PDE8B: variants seen among roughly 807,000 people sequenced by gnomAD.
The protein encoded by PDE8B is phosphodiesterase 8B.
In PDE8B, 26 loss-of-function variants were observed where a neutral mutation model predicts 101.3. The ratio of observed to expected loss-of-function variants is 0.26; its 90% CI spans 0.19 to 0.36. The LOEUF (loss-of-function observed/expected upper bound fraction) is 0.36. Ranked by LOEUF, PDE8B falls within the 10% of genes least tolerant of loss-of-function variation. The pLI is 1.00. For synonymous variants in PDE8B, 424 were observed against 429.3 expected (o/e 0.99, Z 0.15); for missense variants, 810 against 1,163.1 (o/e 0.70, Z 4.42).
chr5:77,387,597 A>C lies in PDE8B; in HGVS notation c.1168-12651A>C, dbSNP rs985102837. Among the ~76,000 whole-genome samples, 5 of 152,228 alleles carry C rather than the reference A, an allele frequency of 3.3e-5. No homozygotes were observed. In the South Asian group the frequency reaches 6.2e-4, roughly 19 times the overall value. On this transcript the variant is annotated intron_variant, in intron 10 of 21. Coordinates refer to ENST00000264917, the MANE Select transcript of PDE8B (RefSeq NM_003719.5). ...GGAGTATCTTTGTGGTGTTCTCTGT[A>C]ATTCCTGAATTTGAATGTTGGCCTG...
chr5:77,418,803 C>T (rs184838894), intron 18 of PDE8B, among the ~76,000 whole-genome samples: 136 of 152,252 alleles, frequency 8.9e-4, no homozygotes, highest in African/African-American at 3.1e-3. Context: ...AATTTCCGGC[C>T]GCTTAAAATA....
upstream of PDE8B, among the ~76,000 whole-genome samples, chr5:77,209,935 C>G (rs1161734422): frequency 1.3e-5 from 2 of 152,210 alleles, no homozygotes; most frequent in Non-Finnish European, 2.9e-5. Context: ...GATGAGTAGA[C>G]ATGGAATGGG....
At chr5:77,110,988 A>G in the PDE8B span, among the ~76,000 whole-genome samples, 3 of 152,238 alleles carry the variant, frequency 2.0e-5, no homozygotes, top group South Asian at 4.1e-4. Flanking sequence ...TCAATCTTGA[A>G]TAGAAGAGGA....
intron 10 of PDE8B, among the ~76,000 whole-genome samples, chr5:77,378,232 G>T (rs530780540): frequency 6.6e-6 from 1 of 151,928 alleles, no homozygotes; most frequent in Non-Finnish European, 1.5e-5. Flanking sequence ...AGGCTGAGGC[G>T]GGTGGATCAT....
At chr5:77,110,422 AC>A in the PDE8B span, among the ~76,000 whole-genome samples, 3 of 152,160 alleles carry the variant, frequency 2.0e-5, 1 homozygote, top group East Asian at 3.8e-4. Flanking sequence ...GGTTAGGAAA[AC>A]TATGGGTTTC....
chr5:77,268,605 A>G (rs964130919), intron 1 of PDE8B, among the ~76,000 whole-genome samples: 3 of 151,888 alleles, frequency 2.0e-5, no homozygotes, highest in Non-Finnish European at 4.4e-5. Flanking sequence ...AAGTGAGAAC[A>G]TGTGATGTTT....
intron 10 of PDE8B, 127 bp from the exon 11 acceptor site, chr5:77,400,121 T>C: frequency 1.4e-6 from 1 of 724,400 alleles, no homozygotes; most frequent in South Asian, 1.5e-5. Flanking sequence ...CTGTTCATAT[T>C]ATATGTGCAG....
At chr5:77,164,452 CAA>C in the PDE8B span, among the ~76,000 whole-genome samples, 2 of 152,158 alleles carry the variant, frequency 1.3e-5, no homozygotes, top group Non-Finnish European at 2.9e-5. Context: ...AAAGAAAAGC[CAA>C]GTGTTTTCAA....
At chr5:77,102,797 CT>C in the PDE8B span, among the ~76,000 whole-genome samples, 1 of 152,174 alleles carries the variant, frequency 6.6e-6, no homozygotes, top group African/African-American at 2.4e-5. Context: ...CCAGCCACGC[CT>C]AGGCTCCTGT....
At chr5:77,415,177 G>A (rs1795270801) in intron 17 of PDE8B, among the ~76,000 whole-genome samples, 1 of 152,028 alleles carries the variant, frequency 6.6e-6, no homozygotes, top group South Asian at 2.1e-4. Context: ...TGGGCTCAGA[G>A]GTTTGGTTAC....
intron 1 of PDE8B, chr5:77,290,576 G>A: frequency 6.7e-7 from 1 of 1,501,416 alleles, no homozygotes; most frequent in Admixed American, 1.7e-5. Flanking sequence ...TAGGAAGCTT[G>A]GTGTCTTTGG....
rs142707004 is a variant in PDE8B, at chr5:77,344,484, C to G, written c.798-369C>G. Among the ~76,000 whole-genome samples the G allele has an allele frequency of 6.3e-3, 955 of 152,304 alleles. 12 individuals carry two copies. The highest frequency in any genetic ancestry group is 0.022 in the African/African-American group (903 of 41,568). ...TTCTGGAGGCTGAGAAGTCCAAGATCAAGGTGCCAGCAGGTTCTGTGTCTG... is the reference window on the plus strand; with the variant it reads ...TTCTGGAGGCTGAGAAGTCCAAGATGAAGGTGCCAGCAGGTTCTGTGTCTG... On this transcript the variant is annotated intron_variant, in intron 6 of 21. Coordinates refer to ENST00000264917, the MANE Select transcript of PDE8B (RefSeq NM_003719.5).
chr5:77,112,755 T>C, the PDE8B span: 1 of 152,204 alleles, frequency 6.6e-6, no homozygotes, highest in African/African-American at 2.4e-5. Flanking sequence ...CATGATTGTA[T>C]ATTTAGAAAG....
chr5:77,243,220 A>G (rs1276062425), intron 1 of PDE8B, among the ~76,000 whole-genome samples: 1 of 152,168 alleles, frequency 6.6e-6, no homozygotes, highest in African/African-American at 2.4e-5. Context: ...CTTCTATGGT[A>G]TGTCCATAGA....
chr5:77,378,666 C>T (rs975307130), intron 10 of PDE8B, among the ~76,000 whole-genome samples: 3 of 152,032 alleles, frequency 2.0e-5, no homozygotes, highest in East Asian at 1.9e-4. Context: ...CCAATGCCGC[C>T]GGTACACTGA....
intron 1 of PDE8B, among the ~76,000 whole-genome samples, chr5:77,241,900 A>G (rs1374343338): frequency 6.6e-6 from 1 of 152,262 alleles, no homozygotes; most frequent in East Asian, 1.9e-4. Flanking sequence ...GATAGCAGAA[A>G]AAATCCACTG....
intron 1 of PDE8B, among the ~76,000 whole-genome samples, chr5:77,218,043 G>C (rs1198562401): frequency 6.6e-6 from 1 of 152,102 alleles, no homozygotes; most frequent in African/African-American, 2.4e-5. Flanking sequence ...AGTTCCTGAA[G>C]TAGGATTAGC....
chr5:77,180,433 G>C, the PDE8B span: 2 of 985,204 alleles, frequency 2.0e-6, no homozygotes, highest in African/African-American at 3.5e-5. Flanking sequence ...GGGCGCCCAG[G>C]AGCCGCCCGC....
At chr5:77,418,492 T>C in intron 18 of PDE8B, 46 bp downstream of exon 18, 1 of 1,380,404 alleles carries the variant, frequency 7.2e-7, no homozygotes, top group Non-Finnish European at 1.0e-6. Context: ...GAAGTTTAAG[T>C]GGTTTTCCCA....
Sources: allele counts gnomAD v4.1 joint callset (sites outside exome capture counted in the v4.1 genomes callset), GRCh38; gene constraint gnomAD v4.1.1; transcripts MANE v1.5; gene names NCBI Gene and HGNC (gene_info 2026-07-23, HGNC 2026-07-21).